Variants in VPS53 observed in about 807,000 individuals in gnomAD.
VPS53 encodes the protein VPS53 subunit of GARP complex, also known as vacuolar protein sorting-associated protein 53 homolog.
A neutral mutation model predicts 107.0 loss-of-function variants in VPS53; 70 were observed. That is an observed-to-expected ratio of 0.65 (90% CI 0.54 to 0.80). The LOEUF is 0.80. Ranked by LOEUF, VPS53 falls within the 30% of genes least tolerant of loss-of-function variation. The pLI is 0.00. For missense variants in VPS53, 917 were observed against 1,049.4 expected, an observed-to-expected ratio of 0.87 and a Z score of 1.74; for synonymous variants, 409 against 393.3, an observed-to-expected ratio of 1.04 and a Z score of -0.47.
At chr17:666,580 C>T (rs1161597366) in intron 4 of VPS53, among the ~76,000 whole-genome samples, 4 of 152,224 alleles carry the variant, frequency 2.6e-5, no homozygotes, top group Non-Finnish European at 4.4e-5. Context: ...AGGATAATCG[C>T]GTGAACCCAG....
intron 12 of VPS53, among the ~76,000 whole-genome samples, chr17:598,867 G>GGT (rs1325884235): frequency 1.8e-5 from 1 of 55,772 alleles, no homozygotes. Context: ...CCGGGAGGGA[G>GGT]GTGGGGGGGT....
At chr17:651,769 G>T (rs1030060582) in intron 7 of VPS53, among the ~76,000 whole-genome samples, 2 of 152,158 alleles carry the variant, frequency 1.3e-5, no homozygotes, top group East Asian at 1.9e-4. Context: ...TTTGTCAATT[G>T]TGACGGTCTC....
rs1171059521 is a variant in VPS53 at position 648,893 on chromosome 17, T to G, written c.608+4398A>C. Among the ~76,000 whole-genome samples, 122 of 99,254 alleles carry G rather than the reference T, an allele frequency of 1.2e-3. 2 individuals are homozygous for G. Among genetic ancestry groups the G allele is most frequent in the African/African-American group, 4.7e-3 (119 of 25,284 alleles). 65.1% of individuals were successfully genotyped at this position (99,254 alleles called of 152,430 possible). A position where few individuals can be genotyped will look rare whatever the true frequency, so the allele number is the denominator to read the frequency against. On this transcript the variant is annotated intron_variant, in intron 7 of 21. Coordinates refer to ENST00000437048, the MANE Select transcript of VPS53 (RefSeq NM_001128159.3). ...GAGGACAGAGGAATGGAACAGGCAC[T>G]AAGATCTTACACTATAGGACAGAGG...
chr17:710,442 G>A, intron 2 of VPS53, 91 bp downstream of exon 2: 3 of 946,932 alleles, frequency 3.2e-6, no homozygotes, highest in Non-Finnish European at 3.4e-6. Flanking sequence ...TGTATCAAGG[G>A]CCCGTAGATG....
chr17:571,543 C>CTT (rs1914074587), intron 13 of VPS53, among the ~76,000 whole-genome samples: 1 of 122,296 alleles, frequency 8.2e-6, no homozygotes, highest in Non-Finnish European at 1.9e-5. Context: ...GTCTCCCTCT[C>CTT]CCCACGGTCT....
At chr17:698,733 AT>A (rs1471379899) in intron 3 of VPS53, among the ~76,000 whole-genome samples, 2 of 152,022 alleles carry the variant, frequency 1.3e-5, no homozygotes, top group Non-Finnish European at 2.9e-5. Context: ...GAAAAAAAAA[AT>A]CTATCAGAAA....
chr17:643,267 CAACACTCATACTT>C lies in VPS53; in HGVS notation c.608+10011_608+10023del, dbSNP rs1292533190. On this transcript the variant is annotated intron_variant, in intron 7 of 21. Transcript: ENST00000437048. ...AACACTCATACTTGGAAAGTGAGGA[CAACACTCATACTT>C]GGAAAGTGAGGACAACACTCATACT... Among the ~76,000 whole-genome samples, 4 of 78,842 alleles carry C rather than the reference CAACACTCATACTT, an allele frequency of 5.1e-5. 1 individual carries two copies. The East Asian group carries it at 1.3e-3, about 26-fold the overall frequency. The allele number at this position is 78,842 out of a possible 152,430, so 51.7% of individuals were successfully genotyped here. A position where few individuals can be genotyped will look rare whatever the true frequency, so the allele number is the denominator to read the frequency against.
chr17:516,747 C>T lies in VPS53; in HGVS notation c.*2381G>A, dbSNP rs533631008. 6.6e-6 allele frequency: 1 copy of T among 152,268 alleles called. No homozygotes were observed. Among genetic ancestry groups the T allele is most frequent in the East Asian group, 1.9e-4 (1 of 5,188 alleles). The allele number at this position is 152,268 out of a possible 1,614,324, so 9.4% of individuals were successfully genotyped here. On this transcript the variant is annotated 3_prime_UTR_variant, in exon 22 of 22. Coordinates refer to ENST00000437048, the MANE Select transcript of VPS53 (RefSeq NM_001128159.3). ...CAGCGTCTCTACACAGTACTGAGTC[C>T]CCATCAAGGAGACATTTAACAGAAA...
intron 5 of VPS53, chr17:656,935 G>T: frequency 8.2e-7 from 1 of 1,220,010 alleles, no homozygotes; most frequent in Non-Finnish European, 1.2e-6. Flanking sequence ...GAGTGCCAAA[G>T]CTGTTGCCAC....
intron 3 of VPS53, among the ~76,000 whole-genome samples, chr17:697,775 G>A (rs1037066680): frequency 2.6e-5 from 4 of 152,278 alleles, no homozygotes; most frequent in Non-Finnish European, 5.9e-5. Flanking sequence ...TTTTCATGGA[G>A]TACATCAGGA....
chr17:660,994 CG>C (rs953927306), intron 5 of VPS53, among the ~76,000 whole-genome samples: 3 of 151,910 alleles, frequency 2.0e-5, no homozygotes, highest in African/African-American at 7.3e-5. Context: ...AGCACAACAC[CG>C]GGGGACACAA....
At position 514,732 on chromosome 17, in the gene VPS53, G is replaced by C. The variant is rs986090083; in HGVS notation, c.*4396C>G. On this transcript the variant is annotated 3_prime_UTR_variant, in exon 22 of 22. Coordinates refer to ENST00000437048, the MANE Select transcript of VPS53 (RefSeq NM_001128159.3). Reference sequence around the variant, plus strand: ...GCAGCAGCCTCGGACCTGCCCCCACGCTCTGCGTGCCCTGTACTGGTCATG... The same window carrying C: ...GCAGCAGCCTCGGACCTGCCCCCACCCTCTGCGTGCCCTGTACTGGTCATG... 1 of 152,700 alleles carries C rather than the reference G, an allele frequency of 6.5e-6. No individual in the cohort carries two copies. Among genetic ancestry groups the C allele is most frequent in the South Asian group, 2.1e-4 (1 of 4,838 alleles). 9.5% of individuals were successfully genotyped at this position (152,700 alleles called of 1,614,324 possible).
chr17:714,768 C>G lies in VPS53; in HGVS notation c.-59G>C. 6.3e-7 allele frequency: 1 copy of G among 1,590,526 alleles called. No homozygotes were observed. Among genetic ancestry groups the G allele is most frequent in the South Asian group, 1.1e-5 (1 of 90,576 alleles). On this transcript the variant is annotated 5_prime_UTR_variant, in exon 1 of 22. Transcript: ENST00000437048. ...GAGCCCAACTCAGGCCTCCAGCCGC[C>G]ACCCAGGCCCCAGCACAGCAACTCC...
intron 5 of VPS53, among the ~76,000 whole-genome samples, chr17:661,394 G>A (rs982184404): frequency 3.3e-4 from 50 of 151,612 alleles, no homozygotes; most frequent in Admixed American, 5.3e-4. Flanking sequence ...GGTGGCAGGC[G>A]CCTGTAATCC....
At chr17:553,877 C>T (rs1046893070) in intron 15 of VPS53, among the ~76,000 whole-genome samples, 1 of 152,128 alleles carries the variant, frequency 6.6e-6, no homozygotes, top group Non-Finnish European at 1.5e-5. Flanking sequence ...GCCAATCTTA[C>T]AACCTTATGA....
At chr17:595,537 C>T (rs71360629) in intron 12 of VPS53, among the ~76,000 whole-genome samples, 3 of 3,760 alleles carry the variant, frequency 8.0e-4, no homozygotes, top group Non-Finnish European at 3.1e-3. Flanking sequence ...CACTCTAGTG[C>T]CCCCCCGGAG....
intron 5 of VPS53, among the ~76,000 whole-genome samples, chr17:658,856 T>A (rs1971326228): frequency 6.6e-6 from 1 of 152,132 alleles, no homozygotes. Flanking sequence ...TGTGCCCTGC[T>A]CTTTCAGGGT....
intron 4 of VPS53, among the ~76,000 whole-genome samples, chr17:682,121 C>T (rs187313379): frequency 1.3e-5 from 2 of 152,182 alleles, no homozygotes; most frequent in African/African-American, 4.8e-5. Context: ...ATTCATAGAA[C>T]AGAACACTTT....
At chr17:703,124 G>A (rs35268482) in intron 2 of VPS53, among the ~76,000 whole-genome samples, 4 of 152,246 alleles carry the variant, frequency 2.6e-5, no homozygotes, top group Admixed American at 6.5e-5. Context: ...TGGGAGGATC[G>A]CTTGAGCCTG....
Sources: gnomAD v4.1 joint callset for allele counts (sites outside exome capture counted in the v4.1 genomes callset) on GRCh38, gnomAD v4.1.1 for gene constraint, MANE v1.5 for transcripts, NCBI Gene and HGNC (gene_info 2026-07-23, HGNC 2026-07-21) for gene names.